The following LRSAM1 variants were observed in gnomAD, a reference collection of about 807,000 sequenced individuals.
The protein encoded by LRSAM1 is E3 ubiquitin-protein ligase LRSAM1.
In LRSAM1, 96 loss-of-function variants were observed where a neutral mutation model predicts 118.1. That is an observed-to-expected ratio of 0.81 (90% CI 0.69 to 0.96). The LOEUF (loss-of-function observed/expected upper bound fraction) is 0.96. LRSAM1 is among the 40% of genes least tolerant of loss of function. LRSAM1 has a pLI of 0.00. For synonymous variants in LRSAM1, 322 were observed against 364.2 expected, an observed-to-expected ratio of 0.88 and a Z score of 1.32; for missense variants, 804 against 915.5, an observed-to-expected ratio of 0.88 and a Z score of 1.57.
chr9:127,481,286 C>T, intron 15 of LRSAM1, 59 bp downstream of exon 15: 1 of 1,562,582 alleles, frequency 6.4e-7, no homozygotes, highest in Non-Finnish European at 8.7e-7. Context: ...CGGAGTCCTG[C>T]ACTGTCGCCA....
intron 10 of LRSAM1, among the ~76,000 whole-genome samples, chr9:127,472,461 C>A (rs369813487): frequency 6.6e-6 from 1 of 151,676 alleles, no homozygotes; most frequent in Non-Finnish European, 1.5e-5. Flanking sequence ...TACCAACATG[C>A]GGAAACCCTG....
rs1163219681 is a variant in LRSAM1 at position 127,465,079 on chromosome 9, C to T, written c.529-2661C>T. 1.3e-5 allele frequency among the ~76,000 whole-genome samples: 2 copies of T among 151,970 alleles called. No homozygotes were observed. Among genetic ancestry groups the T allele is most frequent in the African/African-American group, 2.4e-5 (1 of 41,246 alleles). On this transcript the variant is annotated intron_variant, in intron 9 of 25. Coordinates refer to ENST00000300417, the MANE Select transcript of LRSAM1 (RefSeq NM_001005373.4). The surrounding 1 kb of genome is among the most constrained non-coding windows in gnomAD (Gnocchi z 4.1). ...CTGTGGGCAAGATCTTCAGGTGTCA[C>T]GCACGCCACCCACCAAACAGCCCAC...
In LRSAM1 at chr9:127,478,479, T is replaced by C. The variant is rs147369460; in HGVS notation, c.751-455T>C. ...ACTTACGGACAGATGTTGATAGATG[T>C]ATGAGTTATTTCCAGTGTTTTTGCT... On this transcript the variant is annotated intron_variant, in intron 11 of 25. Transcript: ENST00000300417. Among the ~76,000 whole-genome samples, 436 of 152,356 alleles carry C rather than the reference T, an allele frequency of 2.9e-3. 2 individuals are homozygous for C. Among genetic ancestry groups the C allele is most frequent in the African/African-American group, 0.01 (418 of 41,582 alleles).
chr9:127,498,188 G>A (rs1286203476), intron 24 of LRSAM1, among the ~76,000 whole-genome samples: 3 of 152,188 alleles, frequency 2.0e-5, no homozygotes, highest in African/African-American at 7.2e-5. Flanking sequence ...GAGGCCCCGG[G>A]GCTCCAGGGG....
chr9:127,482,984 G>A lies in LRSAM1; in HGVS notation c.1123G>A (p.Glu375Lys). 1 of 1,579,172 alleles carries A rather than the reference G, an allele frequency of 6.3e-7. No homozygotes were observed. The highest frequency in any genetic ancestry group is 8.6e-7 in the Non-Finnish European group (1 of 1,162,582). Residue 375 changes from glutamate (E) to lysine (K), a missense_variant, in exon 16 of 26, where the codon GAG (glutamate) becomes AAG (lysine). Coordinates refer to ENST00000300417, the MANE Select transcript of LRSAM1 (RefSeq NM_001005373.4). ...RMEQLMSITQ[E>K]ETESLRRRDV... Reference sequence around the variant, plus strand: ...GGAACAGTTGATGTCCATAACCCAGGAGGAGACTGAGAGCCTGCGGCGACG... The same window carrying A: ...GGAACAGTTGATGTCCATAACCCAGAAGGAGACTGAGAGCCTGCGGCGACG...
intron 16 of LRSAM1, among the ~76,000 whole-genome samples, chr9:127,484,006 C>G (rs1835633153): frequency 6.6e-6 from 1 of 152,136 alleles, no homozygotes; most frequent in African/African-American, 2.4e-5. Context: ...TGTTGTACAA[C>G]TGCCACCACC....
Position 127,455,533 on chromosome 9 carries a change from C to T in LRSAM1, c.130-43C>T, listed in dbSNP as rs772577965. The stretch of plus-strand genomic sequence containing the variant: ...TGCCACTCAGAGAACAAGCTAAAAA[C>T]TGGCAGGAGGGGAGACACTTACTCT... On this transcript the variant is annotated intron_variant, in intron 4 of 25. Coordinates refer to ENST00000300417, the MANE Select transcript of LRSAM1 (RefSeq NM_001005373.4). 3.7e-6 allele frequency: 6 copies of T among 1,604,282 alleles called. No individual in the cohort carries two copies. The East Asian group carries it at 1.1e-4, about 30-fold the overall frequency.
intron 8 of LRSAM1, among the ~76,000 whole-genome samples, chr9:127,461,474 C>T (rs1193061768): frequency 2.6e-5 from 4 of 152,314 alleles, no homozygotes; most frequent in African/African-American, 4.8e-5. Context: ...GAGCCAGGGC[C>T]GTATGGCCGT....
In LRSAM1 at chr9:127,482,985, A is replaced by G. The variant is rs770038352; in HGVS notation, c.1124A>G (p.Glu375Gly). ...RMEQLMSITQ[E>G]ETESLRRRDV... Reference sequence around the variant, plus strand: ...GAACAGTTGATGTCCATAACCCAGGAGGAGACTGAGAGCCTGCGGCGACGT... The same window carrying G: ...GAACAGTTGATGTCCATAACCCAGGGGGAGACTGAGAGCCTGCGGCGACGT... The change falls in exon 16 of 26, where the codon GAG becomes GGG. Residue 375 changes from glutamate to glycine, a missense_variant. Transcript: ENST00000300417. The G allele has an allele frequency of 6.3e-7, 1 of 1,579,980 alleles. No individual in the cohort carries two copies. Among genetic ancestry groups the G allele is most frequent in the South Asian group, 1.2e-5 (1 of 86,582 alleles).
At chr9:127,500,088 C>T (rs922426721) in intron 24 of LRSAM1, among the ~76,000 whole-genome samples, 3 of 151,710 alleles carry the variant, frequency 2.0e-5, no homozygotes, top group African/African-American at 7.3e-5. Flanking sequence ...CAGCCGGGCA[C>T]GTTGGCTCAC....
rs776299591 is a variant in LRSAM1, at chr9:127,495,324, A to C, written c.1604A>C (p.Glu535Ala). The C allele has an allele frequency of 1.2e-6, 2 of 1,613,850 alleles. No homozygotes were observed. The highest frequency in any genetic ancestry group is 1.7e-6 in the Non-Finnish European group (2 of 1,179,830). ...TGCCTGCTTCATTCCTGGCAGACGG[A>C]GTTAGAAGCCAAAAGTGAAACCAGG... is the stretch of plus-strand genomic sequence containing the variant. ...REEELREILT[E>A]LEAKSETRQE... The change falls in exon 22 of 26, where the codon GAG (glutamate) becomes GCG (alanine). Residue 535 changes from glutamate to alanine, a missense_variant. Transcript: ENST00000300417.
chr9:127,470,418 G>T (rs1292283122), intron 10 of LRSAM1, among the ~76,000 whole-genome samples: 1 of 151,970 alleles, frequency 6.6e-6, no homozygotes, highest in Non-Finnish European at 1.5e-5. Context: ...TGGGGGAACT[G>T]CTCCCATGAT....
intron 5 of LRSAM1, among the ~76,000 whole-genome samples, chr9:127,456,234 G>GTT (rs757438041): frequency 9.8e-5 from 13 of 132,278 alleles, no homozygotes; most frequent in African/African-American, 1.1e-4. Context: ...AGTTTTGTTT[G>GTT]TTTTTTTTTT....
At chr9:127,490,246 T>TTTTC (rs146824383) in intron 19 of LRSAM1, among the ~76,000 whole-genome samples, 2,500 of 150,356 alleles carry the variant, frequency 0.017, 70 homozygotes, top group African/African-American at 0.054. Flanking sequence ...CTTTCTCTAT[T>TTTTC]TTTCTTTCTT....
At position 127,475,749 on chromosome 9, in the gene LRSAM1, AT is replaced by A. The variant is rs200391831; in HGVS notation, c.750+1827del. Among the ~76,000 whole-genome samples, 258 of 150,872 alleles carry A rather than the reference AT, an allele frequency of 1.7e-3. 2 individuals carry two copies. Among genetic ancestry groups the A allele is most frequent in the African/African-American group, 6.0e-3 (246 of 41,068 alleles). On this transcript the variant is annotated intron_variant, in intron 11 of 25. Transcript: ENST00000300417. Reference sequence around the variant, plus strand: ...TCAAAAAAGATTTTATTATTTTTTTATTTTTTTTTGAGATGGAGTCTCACTC... The same window carrying A: ...TCAAAAAAGATTTTATTATTTTTTTATTTTTTTTGAGATGGAGTCTCACTC...
chr9:127,460,145 G>A lies in LRSAM1; in HGVS notation c.322-1028G>A, dbSNP rs571866150. On this transcript the variant is annotated intron_variant, in intron 7 of 25. Coordinates refer to ENST00000300417, the MANE Select transcript of LRSAM1 (RefSeq NM_001005373.4). The stretch of plus-strand genomic sequence containing the variant: ...CTCCTAAGTAGCTGGAATTACAGGC[G>A]CCCACCACTATGCCTGGCTAATTTT... 4.6e-4 allele frequency among the ~76,000 whole-genome samples: 70 copies of A among 151,992 alleles called. 2 individuals are homozygous for A. The South Asian group carries it at 0.014, about 30-fold the overall frequency.
At chr9:127,495,298 T>C in intron 21 of LRSAM1, 22 bp from the exon 22 acceptor site, 1 of 1,608,570 alleles carries the variant, frequency 6.2e-7, no homozygotes, top group Non-Finnish European at 8.5e-7. Flanking sequence ...GTGACTAACA[T>C]TGCCTGCTTC....
intron 23 of LRSAM1, among the ~76,000 whole-genome samples, chr9:127,496,707 C>A (rs1025104180): frequency 2.0e-5 from 3 of 152,174 alleles, no homozygotes; most frequent in Admixed American, 2.0e-4. Flanking sequence ...GTCTCCACCC[C>A]AAGCAGTGTG....
At chr9:127,462,473 G>A (rs1035295272) in intron 9 of LRSAM1, 100 bp downstream of exon 9, 3 of 1,580,962 alleles carry the variant, frequency 1.9e-6, no homozygotes, top group Non-Finnish European at 2.6e-6. Context: ...CGGTACCAGG[G>A]CCACACAGAG....
Sources: allele counts gnomAD v4.1 joint callset (sites outside exome capture counted in the v4.1 genomes callset), GRCh38; gene constraint gnomAD v4.1.1; non-coding constraint Gnocchi (gnomAD v3.1); transcripts MANE v1.5; gene names NCBI Gene and HGNC (gene_info 2026-07-23, HGNC 2026-07-21).